Variants in PLCB1 observed in about 807,000 individuals in gnomAD.
The protein encoded by PLCB1 is 1-phosphatidylinositol 4,5-bisphosphate phosphodiesterase beta-1.
PLCB1 carries 46 observed loss-of-function variants against 161.8 expected under a neutral mutation model. That is an observed-to-expected ratio of 0.28 (90% CI 0.22 to 0.36). The LOEUF is 0.36. Ranked by LOEUF, PLCB1 falls within the 10% of genes least tolerant of loss-of-function variation. The probability of loss-of-function intolerance (pLI) is 1.00; values close to 1 mark genes in which losing one functional copy is unlikely to be tolerated. For synonymous variants in PLCB1, 517 were observed against 503.7 expected (o/e 1.03, Z -0.35); for missense variants, 1,016 against 1,472.5 (o/e 0.69, Z 5.07).
intron 2 of PLCB1, among the ~76,000 whole-genome samples, chr20:8,193,835 G>T (rs949212708): frequency 1.3e-5 from 2 of 151,954 alleles, no homozygotes; most frequent in Non-Finnish European, 2.9e-5. Context: ...TGTGGTTGAG[G>T]TCAATGAGGT....
intron 31 of PLCB1, among the ~76,000 whole-genome samples, chr20:8,869,260 G>A (rs892505586): frequency 6.6e-6 from 1 of 151,820 alleles, no homozygotes; most frequent in African/African-American, 2.4e-5. Context: ...TATCATTTTT[G>A]TACAATCAAA....
intron 2 of PLCB1, among the ~76,000 whole-genome samples, chr20:8,339,331 C>G (rs1985712436): frequency 6.6e-6 from 1 of 152,088 alleles, no homozygotes. Flanking sequence ...GTGGGCACTT[C>G]CACAGTCTTA....
At chr20:8,511,227 T>C (rs1312585446) in intron 3 of PLCB1, among the ~76,000 whole-genome samples, 1 of 152,202 alleles carries the variant, frequency 6.6e-6, no homozygotes, top group Non-Finnish European at 1.5e-5. Context: ...CAGTATTTAC[T>C]TATCTTTCTC....
At chr20:8,340,472 G>T (rs1042204735) in intron 2 of PLCB1, among the ~76,000 whole-genome samples, 1 of 152,086 alleles carries the variant, frequency 6.6e-6, no homozygotes. Flanking sequence ...GCCCAGGCTG[G>T]AGTGCAGTGG....
At chr20:8,373,081 C>T (rs949689770) in intron 3 of PLCB1, among the ~76,000 whole-genome samples, 2 of 152,168 alleles carry the variant, frequency 1.3e-5, no homozygotes, top group African/African-American at 4.8e-5. Flanking sequence ...GCAGTAGGGC[C>T]TGTACTGTGC....
At chr20:8,406,755 TACA>T (rs752992705) in intron 3 of PLCB1, among the ~76,000 whole-genome samples, 5 of 152,208 alleles carry the variant, frequency 3.3e-5, no homozygotes, top group Non-Finnish European at 5.9e-5. Context: ...TTACCAGTAT[TACA>T]GTAAATTCCC....
At chr20:8,304,956 A>G (rs1475946790) in intron 2 of PLCB1, among the ~76,000 whole-genome samples, 2 of 152,288 alleles carry the variant, frequency 1.3e-5, no homozygotes, top group East Asian at 1.9e-4. Flanking sequence ...GACAAGAGCC[A>G]TTGCTAGTTT....
At chr20:8,277,896 G>C (rs879357817) in intron 2 of PLCB1, among the ~76,000 whole-genome samples, 1 of 152,148 alleles carries the variant, frequency 6.6e-6, no homozygotes, top group Non-Finnish European at 1.5e-5. Flanking sequence ...AGCATTGCTG[G>C]AAGTTGAGGA....
chr20:8,801,508 C>T (rs1420618147), intron 31 of PLCB1, among the ~76,000 whole-genome samples: 2 of 152,166 alleles, frequency 1.3e-5, no homozygotes, highest in African/African-American at 4.8e-5. Context: ...CTGTTTCGTT[C>T]CCTGACGCTC....
chr20:8,285,625 T>C (rs1383387250), intron 2 of PLCB1, among the ~76,000 whole-genome samples: 1 of 152,140 alleles, frequency 6.6e-6, no homozygotes, highest in Non-Finnish European at 1.5e-5. Flanking sequence ...ATCAGGTACA[T>C]AGTGTGACCA....
At chr20:8,740,770 T>C (rs937082697) in intron 22 of PLCB1, among the ~76,000 whole-genome samples, 1 of 152,100 alleles carries the variant, frequency 6.6e-6, no homozygotes, top group East Asian at 1.9e-4. Context: ...GTACACTGAA[T>C]TTGTCTTCCA....
chr20:8,536,997 A>C (rs1245742979), intron 3 of PLCB1, among the ~76,000 whole-genome samples: 3 of 152,228 alleles, frequency 2.0e-5, no homozygotes, highest in African/African-American at 7.2e-5. Flanking sequence ...ATGTGATAAA[A>C]ATATCTACCT....
At chr20:8,195,235 A>T (rs943215817) in intron 2 of PLCB1, among the ~76,000 whole-genome samples, 5 of 152,078 alleles carry the variant, frequency 3.3e-5, no homozygotes, top group Non-Finnish European at 5.9e-5. Context: ...TTTTCAAAAA[A>T]GGCTCAGAAG....
At chr20:8,847,886 G>A (rs978616706) in intron 31 of PLCB1, among the ~76,000 whole-genome samples, 14 of 152,192 alleles carry the variant, frequency 9.2e-5, no homozygotes, top group African/African-American at 3.1e-4. Flanking sequence ...CCTGAGACTG[G>A]CAATTTATAC....
intron 3 of PLCB1, among the ~76,000 whole-genome samples, chr20:8,468,990 C>G (rs1676521658): frequency 6.6e-6 from 1 of 152,068 alleles, no homozygotes; most frequent in Non-Finnish European, 1.5e-5. Context: ...ACAAGTTCCA[C>G]CCCCCGTAGT....
intron 11 of PLCB1, among the ~76,000 whole-genome samples, chr20:8,701,560 T>A (rs1018095996): frequency 1.3e-5 from 2 of 152,222 alleles, no homozygotes; most frequent in African/African-American, 4.8e-5. Context: ...AAGGCACTTA[T>A]CATATCACCT....
At chr20:8,338,508 G>C (rs1985671642) in intron 2 of PLCB1, among the ~76,000 whole-genome samples, 1 of 152,104 alleles carries the variant, frequency 6.6e-6, no homozygotes, top group Admixed American at 6.6e-5. Flanking sequence ...TGTTGATGAT[G>C]GTCAAGTCTA....
chr20:8,864,007 A>G (rs1342242786), intron 31 of PLCB1, among the ~76,000 whole-genome samples: 1 of 152,238 alleles, frequency 6.6e-6, no homozygotes, highest in Non-Finnish European at 1.5e-5. Context: ...TTCATCACTG[A>G]TGTATCAAGA....
intron 12 of PLCB1, among the ~76,000 whole-genome samples, chr20:8,712,979 G>A (rs776548183): frequency 7.2e-5 from 11 of 152,110 alleles, no homozygotes; most frequent in Non-Finnish European, 1.6e-4. Context: ...TATTTCTGCA[G>A]TTCTGACCTG....
Sources: allele counts gnomAD v4.1 joint callset (sites outside exome capture counted in the v4.1 genomes callset), GRCh38; gene constraint gnomAD v4.1.1; transcripts MANE v1.5; gene names NCBI Gene and HGNC (gene_info 2026-07-23, HGNC 2026-07-21).